The following CEP128 variants were observed in gnomAD, a reference collection of about 807,000 sequenced individuals.
CEP128 encodes the protein centrosomal protein 128, also known as centrosomal protein 128kDa.
CEP128 carries 132 observed loss-of-function variants against 156.7 expected under a neutral mutation model. That is an observed-to-expected ratio of 0.84 (90% CI 0.73 to 0.97). The LOEUF (loss-of-function observed/expected upper bound fraction) is 0.97, where lower values mean the gene tolerates loss of function less well. Ranked by LOEUF, CEP128 falls within the 50% of genes least tolerant of loss-of-function variation. CEP128 has a pLI of 0.00. For synonymous variants in CEP128, 469 were observed against 448.9 expected (o/e 1.04, Z -0.57); for missense variants, 1,252 against 1,281.9 (o/e 0.98, Z 0.36).
chr14:80,878,536 C>T (rs1888387044), intron 8 of CEP128, among the ~76,000 whole-genome samples: 1 of 152,184 alleles, frequency 6.6e-6, no homozygotes, highest in Non-Finnish European at 1.5e-5. Flanking sequence ...CTGCATGGTT[C>T]CTCATAACCT....
chr14:80,749,684 G>A (rs1183102003), intron 18 of CEP128, among the ~76,000 whole-genome samples: 1 of 152,082 alleles, frequency 6.6e-6, no homozygotes. Flanking sequence ...TATAGAATGA[G>A]TAATATCTAG....
Position 80,955,622 on chromosome 14 carries a change from C to G in CEP128, c.-172+2556G>C. ...CTTTGGCCTGGGGTAACCCGAGGTGCAGAGCTGAGAATGAGGCGATTTCGG... is the reference window on the plus strand; with the variant it reads ...CTTTGGCCTGGGGTAACCCGAGGTGGAGAGCTGAGAATGAGGCGATTTCGG... On this transcript the variant is annotated intron_variant, in intron 2 of 7. Transcript: ENST00000555529. 1.9e-6 allele frequency: 3 copies of G among 1,604,648 alleles called. No individual in the cohort carries two copies. In the South Asian group the frequency reaches 3.3e-5, roughly 18 times the overall value.
chr14:80,699,222 T>C (rs1349179953), intron 19 of CEP128, among the ~76,000 whole-genome samples: 4 of 152,210 alleles, frequency 2.6e-5, no homozygotes, highest in African/African-American at 9.6e-5. Context: ...TCGCCATTCC[T>C]TGTCAGCCAT....
chr14:80,706,170 C>CAA (rs146022624), intron 19 of CEP128, among the ~76,000 whole-genome samples: 2,065 of 150,144 alleles, frequency 0.014, 56 homozygotes, highest in African/African-American at 0.048. Flanking sequence ...TACTATAAGA[C>CAA]AAAAAAAAAC....
At chr14:80,539,229 A>C (rs1889628143) in intron 21 of CEP128, among the ~76,000 whole-genome samples, 1 of 152,180 alleles carries the variant, frequency 6.6e-6, no homozygotes, top group Non-Finnish European at 1.5e-5. Flanking sequence ...AAGAAGTGTA[A>C]AGCAGGGTAA....
intron 24 of CEP128, among the ~76,000 whole-genome samples, chr14:80,501,353 TCAA>T (rs1352232947): frequency 2.6e-5 from 4 of 152,152 alleles, no homozygotes; most frequent in African/African-American, 7.2e-5. Context: ...GAAGGATTTT[TCAA>T]CAACAACATT....
intron 21 of CEP128, among the ~76,000 whole-genome samples, chr14:80,540,306 T>G (rs371160420): frequency 1.3e-5 from 2 of 151,364 alleles, no homozygotes; most frequent in South Asian, 4.3e-4. Flanking sequence ...GCTGTAAAAT[T>G]TCTCTCTTTG....
In CEP128 at chr14:80,895,191, A is replaced by G. The variant is rs138286722; in HGVS notation, c.645+527T>C. On this transcript the variant is annotated intron_variant, in intron 8 of 24. Transcript: ENST00000555265. ...AAATCACTGAACAGTGAGTGTCAAC[A>G]ATATGACTTTGAGATAATAAAGATT... Among the ~76,000 whole-genome samples the G allele has an allele frequency of 8.1e-4, 123 of 152,224 alleles. 1 individual carries two copies. The highest frequency in any genetic ancestry group is 2.7e-3 in the African/African-American group (113 of 41,570).
intron 19 of CEP128, among the ~76,000 whole-genome samples, chr14:80,598,615 G>T (rs548817527): frequency 8.5e-4 from 129 of 152,068 alleles, no homozygotes; most frequent in African/African-American, 2.9e-3. Context: ...CTAACAACAA[G>T]ATTATTCTTA....
At chr14:80,581,957 G>T (rs1318223492) in intron 19 of CEP128, among the ~76,000 whole-genome samples, 5 of 152,184 alleles carry the variant, frequency 3.3e-5, no homozygotes, top group Non-Finnish European at 5.9e-5. Context: ...TATAGCTGAA[G>T]TAACTCTGTT....
intron 18 of CEP128, among the ~76,000 whole-genome samples, chr14:80,748,919 C>A (rs894949600): frequency 2.0e-5 from 3 of 152,096 alleles, no homozygotes; most frequent in African/African-American, 7.2e-5. Flanking sequence ...AAACATGTTG[C>A]CCAGAAGAGA....
intron 14 of CEP128, among the ~76,000 whole-genome samples, chr14:80,788,107 A>G (rs1219259460): frequency 6.6e-6 from 1 of 152,116 alleles, no homozygotes; most frequent in Admixed American, 6.6e-5. Context: ...GATTCTGGTT[A>G]ATTGCTTGCC....
Position 80,862,820 on chromosome 14 carries a change from T to C in CEP128, c.699A>G (p.Thr233=), listed in dbSNP as rs746114660. 1 of 1,614,104 alleles carries C rather than the reference T, an allele frequency of 6.2e-7. No homozygotes were observed. The highest frequency in any genetic ancestry group is 8.5e-7 in the Non-Finnish European group (1 of 1,179,972). The part of the protein sequence containing the change: ...RLQELEREMR[T]ERELVERRQD... The stretch of plus-strand genomic sequence containing the variant: ...GGCGTCTTTCCACCAGCTCCCTTTC[T>C]GTGCGCATCTCTCTCTCCAGTTCCT... Residue 233 remains threonine, a synonymous_variant, in exon 9 of 25, where the codon ACA becomes ACG. Transcript: ENST00000555265.
intron 24 of CEP128, among the ~76,000 whole-genome samples, chr14:80,504,521 T>C (rs530220851): frequency 1.3e-5 from 2 of 152,358 alleles, no homozygotes; most frequent in African/African-American, 4.8e-5. Context: ...GTATTCTTAC[T>C]CTTTGTACAA....
intron 19 of CEP128, among the ~76,000 whole-genome samples, chr14:80,703,921 C>CA (rs1897154718): frequency 6.6e-6 from 1 of 152,082 alleles, no homozygotes; most frequent in Non-Finnish European, 1.5e-5. Flanking sequence ...TTTATAGCCA[C>CA]AGTTACCTCC....
At chr14:80,790,621 C>A (rs539826535) in intron 14 of CEP128, among the ~76,000 whole-genome samples, 24 of 151,794 alleles carry the variant, frequency 1.6e-4, no homozygotes, top group African/African-American at 4.8e-4. Flanking sequence ...TATTACACAT[C>A]CTTCAGTAAT....
chr14:80,950,146 G>A (rs1886432214), intron 2 of CEP128, among the ~76,000 whole-genome samples: 1 of 152,132 alleles, frequency 6.6e-6, no homozygotes, highest in African/African-American at 2.4e-5. Context: ...GATGACAGAG[G>A]AGAGATTGCA....
chr14:80,616,628 T>C (rs1893225541), intron 19 of CEP128, among the ~76,000 whole-genome samples: 2 of 152,176 alleles, frequency 1.3e-5, no homozygotes, highest in South Asian at 4.1e-4. Flanking sequence ...AGCAGAAGGG[T>C]CACGGAATAT....
chr14:80,796,502 T>A (rs558511731), intron 13 of CEP128, among the ~76,000 whole-genome samples: 1 of 152,188 alleles, frequency 6.6e-6, no homozygotes, highest in Admixed American at 6.5e-5. Context: ...TTGTAGCAGG[T>A]GACACTGTTA....
Sources: allele counts gnomAD v4.1 joint callset (sites outside exome capture counted in the v4.1 genomes callset), GRCh38; gene constraint gnomAD v4.1.1; transcripts MANE v1.5; gene names NCBI Gene and HGNC (gene_info 2026-07-23, HGNC 2026-07-21).